NUMA1: variants seen among roughly 807,000 people sequenced by gnomAD.
The protein encoded by NUMA1 is SP-H antigen.
A neutral mutation model predicts 237.1 loss-of-function variants in NUMA1; 62 were observed. That is an observed-to-expected ratio of 0.26 (90% CI 0.21 to 0.32). The LOEUF (loss-of-function observed/expected upper bound fraction) is 0.32. Ranked by LOEUF, NUMA1 falls within the 10% of genes least tolerant of loss-of-function variation. NUMA1 has a pLI of 1.00. For missense variants in NUMA1, 2,533 were observed against 2,666.5 expected (o/e 0.95, Z 1.10); for synonymous variants, 1,028 against 1,066.1 (o/e 0.96, Z 0.70).
intron 2 of NUMA1, among the ~76,000 whole-genome samples, chr11:72,060,454 G>A (rs537474102): frequency 5.5e-4 from 83 of 152,090 alleles, no homozygotes; most frequent in Non-Finnish European, 9.3e-4. Context: ...GACCAACCTG[G>A]GCAACATGGC....
At chr11:72,023,384 C>G (rs1022779788) in intron 5 of NUMA1, among the ~76,000 whole-genome samples, 1 of 152,176 alleles carries the variant, frequency 6.6e-6, no homozygotes, top group Admixed American at 6.5e-5. Context: ...CCTCGGAATT[C>G]ACAGCAACTC....
chr11:72,022,249 G>C, intron 7 of NUMA1, 90 bp downstream of exon 7: 1 of 756,182 alleles, frequency 1.3e-6, no homozygotes, highest in South Asian at 1.8e-5. Flanking sequence ...TTTTTAAAAA[G>C]TCCAGTATCT....
intron 3 of NUMA1, among the ~76,000 whole-genome samples, chr11:72,030,189 G>C (rs1160304878): frequency 1.3e-5 from 2 of 151,920 alleles, no homozygotes; most frequent in Non-Finnish European, 2.9e-5. Flanking sequence ...CAAAAAATTA[G>C]CCAGGAGTGG....
chr11:72,057,382 ACT>A (rs1216613388), intron 2 of NUMA1, among the ~76,000 whole-genome samples: 2 of 152,204 alleles, frequency 1.3e-5, no homozygotes, highest in Non-Finnish European at 2.9e-5. Flanking sequence ...CCATATTAAA[ACT>A]CTATTTTGAC....
intron 1 of NUMA1, chr11:72,076,712 G>A (rs966904932): frequency 1.3e-5 from 2 of 152,132 alleles, no homozygotes; most frequent in Non-Finnish European, 2.9e-5. Context: ...TTGAACCCAG[G>A]AGGCAGAGGT....
chr11:72,009,991 C>G (rs370482467), intron 17 of NUMA1, among the ~76,000 whole-genome samples: 2 of 152,236 alleles, frequency 1.3e-5, no homozygotes, highest in South Asian at 2.1e-4. Context: ...GGGCCTGATT[C>G]TCTGTCCATC....
intron 3 of NUMA1, among the ~76,000 whole-genome samples, chr11:72,029,637 G>C (rs1386758832): frequency 6.6e-6 from 1 of 152,228 alleles, no homozygotes; most frequent in Non-Finnish European, 1.5e-5. Context: ...TCTGAGGTGG[G>C]AAAAGAAAGG....
chr11:72,060,582 G>A (rs545255162), intron 2 of NUMA1, among the ~76,000 whole-genome samples: 17 of 152,052 alleles, frequency 1.1e-4, no homozygotes, highest in African/African-American at 1.9e-4. Flanking sequence ...GGCCAAGGCC[G>A]TGGTGAACTG....
Position 72,004,066 on chromosome 11 carries a change from G to C in NUMA1, c.6157C>G (p.Leu2053Val), listed in dbSNP as rs1349334728. The C allele has an allele frequency of 3.7e-6, 6 of 1,613,316 alleles. No individual in the cohort carries two copies. Among genetic ancestry groups the C allele is most frequent in the Non-Finnish European group, 5.1e-6 (6 of 1,179,728 alleles). ...DRRQSMAFSI[L>V]NTPKKLGNSL... ...TTCCCTAGCTTCTTGGGTGTGTTGA[G>C]GATGCTGAAGGCCATCGACTGGCGC... The change falls in exon 26 of 27, where the codon CTC becomes GTC. Residue 2053 changes from leucine (L) to valine (V), a missense_variant. By Grantham distance (32) the Leu-to-Val change is conservative (BLOSUM62 1). Transcript: ENST00000393695.
intron 1 of NUMA1, among the ~76,000 whole-genome samples, chr11:72,079,775 C>A (rs1241025983): frequency 6.7e-6 from 1 of 150,262 alleles, no homozygotes; most frequent in Non-Finnish European, 1.5e-5. Context: ...AAAGACTTAA[C>A]CTGTTTTGAC....
chr11:72,045,354 T>C (rs757937528), intron 2 of NUMA1, among the ~76,000 whole-genome samples: 2 of 152,202 alleles, frequency 1.3e-5, no homozygotes, highest in Non-Finnish European at 2.9e-5. Flanking sequence ...TTGTAGTCTG[T>C]AGTTAGCAAT....
At chr11:72,036,088 T>C in intron 2 of NUMA1, 113 bp from the exon 3 acceptor site, 1 of 759,056 alleles carries the variant, frequency 1.3e-6, no homozygotes, top group Non-Finnish European at 2.2e-6. Context: ...CACTCTTCAC[T>C]GAATCCACCA....
chr11:72,003,824 G>A, intron 26 of NUMA1, 63 bp downstream of exon 26: 1 of 1,541,768 alleles, frequency 6.5e-7, no homozygotes, highest in Non-Finnish European at 8.9e-7. Flanking sequence ...ACTTGGTGGG[G>A]CGGTCTGGGG....
At chr11:72,036,688 C>T (rs780560321) in intron 2 of NUMA1, among the ~76,000 whole-genome samples, 2 of 152,112 alleles carry the variant, frequency 1.3e-5, no homozygotes, top group Admixed American at 6.6e-5. Flanking sequence ...TGGATGAGGT[C>T]GAGCCCAATT....
At chr11:72,034,535 G>A (rs1409610949) in intron 3 of NUMA1, among the ~76,000 whole-genome samples, 2 of 151,958 alleles carry the variant, frequency 1.3e-5, no homozygotes, top group East Asian at 1.9e-4. Flanking sequence ...GGTGAAACCC[G>A]TCTCTACTAA....
At chr11:72,004,143 C>T (rs763717889) in intron 25 of NUMA1, 44 bp from the exon 26 acceptor site, 121 of 1,610,286 alleles carry the variant, frequency 7.5e-5, no homozygotes, top group Non-Finnish European at 8.7e-5. Flanking sequence ...ATGCTGCCTT[C>T]CCAGGCCAGC....
chr11:72,042,951 A>C (rs1407519154), intron 2 of NUMA1, among the ~76,000 whole-genome samples: 2 of 151,746 alleles, frequency 1.3e-5, no homozygotes, highest in Admixed American at 6.6e-5. Context: ...CCATCTCTAC[A>C]AAAAATTTCA....
chr11:72,018,690 G>T lies in NUMA1; in HGVS notation c.742+133C>A, dbSNP rs1036874766. 1.4e-5 allele frequency: 16 copies of T among 1,184,078 alleles called. No homozygotes were observed. In the African/African-American group the frequency reaches 1.5e-4, roughly 11 times the overall value. The allele number at this position is 1,184,078 out of a possible 1,614,324, so 73.3% of individuals were successfully genotyped here. A position where few individuals can be genotyped will look rare whatever the true frequency, so the allele number is the denominator to read the frequency against. On this transcript the variant is annotated intron_variant, in intron 10 of 26. Coordinates refer to ENST00000393695, the MANE Select transcript of NUMA1 (RefSeq NM_006185.4). ...GGACAAAGACAGAACCTAGCTTCCAGGAGGTCAGCCTGACCACAGGCCCAG... is the reference window on the plus strand; with the variant it reads ...GGACAAAGACAGAACCTAGCTTCCATGAGGTCAGCCTGACCACAGGCCCAG...
At chr11:72,049,098 CA>C (rs1250290005) in intron 2 of NUMA1, among the ~76,000 whole-genome samples, 1 of 152,160 alleles carries the variant, frequency 6.6e-6, no homozygotes, top group African/African-American at 2.4e-5. Flanking sequence ...GGCCTTTCTA[CA>C]AAACAGCTAA....
Sources: gnomAD v4.1 joint callset for allele counts (sites outside exome capture counted in the v4.1 genomes callset) on GRCh38, gnomAD v4.1.1 for gene constraint, MANE v1.5 for transcripts, NCBI Gene and HGNC (gene_info 2026-07-23, HGNC 2026-07-21) for gene names.